DCHS2: variants seen among roughly 807,000 people sequenced by gnomAD.
DCHS2 encodes the protein dachsous cadherin-related 2, also known as protocadherin-23.
In DCHS2, 142 loss-of-function variants were observed where a neutral mutation model predicts 182.4. The observed-to-expected ratio is 0.78, with a 90% CI of 0.68 to 0.89. The LOEUF (loss-of-function observed/expected upper bound fraction) is 0.89, where lower values mean the gene tolerates loss of function less well. DCHS2 is among the 40% of genes least tolerant of loss of function. The probability of loss-of-function intolerance (pLI) is 0.00; values close to 1 mark genes in which losing one functional copy is unlikely to be tolerated. For missense variants in DCHS2, 4,319 were observed against 4,198.6 expected, an observed-to-expected ratio of 1.03 and a Z score of -0.79; for synonymous variants, 1,740 against 1,663.3, an observed-to-expected ratio of 1.05 and a Z score of -1.12.
chr4:154,484,560 A>G (rs1478610444), intron 1 of DCHS2, among the ~76,000 whole-genome samples: 1 of 152,198 alleles, frequency 6.6e-6, no homozygotes, highest in Non-Finnish European at 1.5e-5. Flanking sequence ...ATTAATTCAT[A>G]CTTCCGATTA....
intron 5 of DCHS2, 130 bp from the exon 6 acceptor site, chr4:154,329,840 G>T: frequency 1.3e-6 from 1 of 756,784 alleles, no homozygotes; most frequent in East Asian, 2.7e-5. Context: ...CATCTACATA[G>T]TAGTTTGGCT....
chr4:154,348,113 C>A (rs1268447482), intron 3 of DCHS2, among the ~76,000 whole-genome samples: 2 of 151,914 alleles, frequency 1.3e-5, no homozygotes, highest in African/African-American at 2.4e-5. Flanking sequence ...CTGATAGTCC[C>A]TTTTTGGGAG....
At chr4:154,390,103 A>ATT (rs1560729377) in intron 1 of DCHS2, among the ~76,000 whole-genome samples, 5 of 144,036 alleles carry the variant, frequency 3.5e-5, no homozygotes, top group African/African-American at 1.3e-4. Flanking sequence ...ATTTTTTTAA[A>ATT]TTTTTTTATT....
intron 1 of DCHS2, among the ~76,000 whole-genome samples, chr4:154,425,316 A>G (rs1338413716): frequency 6.6e-6 from 1 of 152,200 alleles, no homozygotes; most frequent in Non-Finnish European, 1.5e-5. Flanking sequence ...CAGTCCCTCA[A>G]GTAGCGTGTG....
At chr4:154,470,068 C>T (rs1324741438) in intron 1 of DCHS2, among the ~76,000 whole-genome samples, 1 of 152,082 alleles carries the variant, frequency 6.6e-6, no homozygotes, top group East Asian at 1.9e-4. Flanking sequence ...GGTGAATAAA[C>T]AGTTGAATGA....
At chr4:154,388,422 A>T (rs1731513642) in intron 1 of DCHS2, among the ~76,000 whole-genome samples, 1 of 151,764 alleles carries the variant, frequency 6.6e-6, no homozygotes, top group Non-Finnish European at 1.5e-5. Flanking sequence ...GGGTTAAGTG[A>T]TTTAATGTGG....
intron 13 of DCHS2, among the ~76,000 whole-genome samples, chr4:154,284,055 T>C (rs185456381): frequency 8.8e-4 from 134 of 152,314 alleles, no homozygotes; most frequent in African/African-American, 2.9e-3. Context: ...ACAAGGTAAA[T>C]GTATCTACCA....
rs1054916278 is a variant in DCHS2, at chr4:154,269,591, T to C, written c.6577+309A>G. The C allele has an allele frequency of 1.3e-4, 28 of 215,932 alleles. No homozygotes were observed. In the Middle Eastern group the frequency reaches 6.5e-3, roughly 50 times the overall value. The allele number at this position is 215,932 out of a possible 1,614,324, so 13.4% of individuals were successfully genotyped here. A position where few individuals can be genotyped will look rare whatever the true frequency, so the allele number is the denominator to read the frequency against. ...TTTTTGAATTCAGACTCAGTGTCAATGATCTCACTACTCTATCTCCAATTT... is the reference window on the plus strand; with the variant it reads ...TTTTTGAATTCAGACTCAGTGTCAACGATCTCACTACTCTATCTCCAATTT... On this transcript the variant is annotated intron_variant, in intron 14 of 19. Coordinates refer to ENST00000357232, the MANE Select transcript of DCHS2 (RefSeq NM_001358235.2).
intron 2 of DCHS2, among the ~76,000 whole-genome samples, chr4:154,376,082 G>A (rs148638552): frequency 6.6e-6 from 1 of 152,210 alleles, no homozygotes; most frequent in Non-Finnish European, 1.5e-5. Context: ...ATGGGGGCAT[G>A]GAGGGGTGGA....
Position 154,489,305 on chromosome 4 carries a change from T to A in DCHS2, c.2051A>T (p.Gln684Leu). The A allele has an allele frequency of 4.6e-6, 7 of 1,511,928 alleles. No homozygotes were observed. The highest frequency in any genetic ancestry group is 5.3e-6 in the Non-Finnish European group (6 of 1,122,626). The allele number at this position is 1,511,928 out of a possible 1,614,324, so 93.7% of individuals were successfully genotyped here. Residue 684 changes from glutamine to leucine, a missense_variant and splice_region_variant, in exon 1 of 20, where the codon CAG (glutamine) becomes CTG (leucine). Physicochemically the swap from Gln to Leu is moderately radical, Grantham distance 113. Transcript: ENST00000357232. ...GGCCCACAGGCCTGATGCACTCACC[T>A]GCAGAAAGCAGTGTCCAACCGGGGC... The part of the protein sequence containing the change: ...EHAPVGHCFL[Q>L]VTASDADSGL...
At chr4:154,336,970 A>T (rs964344380) in intron 3 of DCHS2, among the ~76,000 whole-genome samples, 4 of 152,158 alleles carry the variant, frequency 2.6e-5, no homozygotes, top group African/African-American at 7.2e-5. Flanking sequence ...GAGGATAAAC[A>T]CTCTTTATTA....
chr4:154,389,545 T>C lies in DCHS2; in HGVS notation c.2053-12101A>G, dbSNP rs571812362. ...ATATATATATATATATAACCTTTTT[T>C]TAAAGGACCTAAACTATTTGACTTC... On this transcript the variant is annotated intron_variant, in intron 1 of 19. Transcript: ENST00000357232. Among the ~76,000 whole-genome samples, 639 of 148,100 alleles carry C rather than the reference T, an allele frequency of 4.3e-3. 5 individuals are homozygous for C. Among genetic ancestry groups the C allele is most frequent in the African/African-American group, 0.015 (598 of 40,274 alleles).
At chr4:154,456,486 G>C (rs1340855758) in intron 1 of DCHS2, among the ~76,000 whole-genome samples, 2 of 152,160 alleles carry the variant, frequency 1.3e-5, no homozygotes, top group Non-Finnish European at 2.9e-5. Flanking sequence ...GATATGACAC[G>C]CTGCTGTGAG....
intron 14 of DCHS2, among the ~76,000 whole-genome samples, chr4:154,265,757 C>CAA (rs139790522): frequency 2.7e-4 from 38 of 142,492 alleles, no homozygotes; most frequent in African/African-American, 7.2e-4. Flanking sequence ...TTCTGAACAA[C>CAA]AAAAAAAAAA....
Position 154,297,839 on chromosome 4 carries a change from A to G in DCHS2, c.6463+12T>C, listed in dbSNP as rs376577532. 4.8e-5 allele frequency: 76 copies of G among 1,594,814 alleles called. No homozygotes were observed. The African/African-American group carries it at 9.7e-4, about 20-fold the overall frequency. On this transcript the variant is annotated intron_variant, in intron 13 of 19. Transcript: ENST00000357232. ...CAGGTACAATATATGAAAAACTTGA[A>G]GGGACACTCACCTGCCTCACAATTT...
At chr4:154,483,950 GT>G (rs1320793237) in intron 1 of DCHS2, among the ~76,000 whole-genome samples, 3 of 152,092 alleles carry the variant, frequency 2.0e-5, no homozygotes, top group Non-Finnish European at 4.4e-5. Context: ...ATTCTCTCCT[GT>G]TAGTAGTTCT....
chr4:154,404,606 A>G (rs1042710882), intron 1 of DCHS2, among the ~76,000 whole-genome samples: 1 of 152,216 alleles, frequency 6.6e-6, no homozygotes, highest in Admixed American at 6.5e-5. Context: ...CCAATCAACT[A>G]CTAAAGAAGG....
At position 154,332,358 on chromosome 4, in the gene DCHS2, G is replaced by A. The variant is rs78093689; in HGVS notation, c.3730+120C>T. 8.7e-5 allele frequency: 75 copies of A among 865,264 alleles called. 1 individual carries two copies. The East Asian group carries it at 2.0e-3, about 23-fold the overall frequency. 53.6% of individuals were successfully genotyped at this position (865,264 alleles called of 1,614,324 possible). ...TGTATGCACTAATGCTATACCTAAC[G>A]ACTTGAGTTTTCTCAATCCTGATTT... On this transcript the variant is annotated intron_variant, in intron 5 of 19. Transcript: ENST00000357232.
chr4:154,329,378 T>C (rs1416867457), intron 6 of DCHS2, 145 bp downstream of exon 6: 7 of 781,796 alleles, frequency 9.0e-6, no homozygotes, highest in Non-Finnish European at 2.0e-6. Flanking sequence ...TAAAATAACA[T>C]GTGCACAGTA....
Sources: allele counts gnomAD v4.1 joint callset (sites outside exome capture counted in the v4.1 genomes callset), GRCh38; gene constraint gnomAD v4.1.1; transcripts MANE v1.5; gene names NCBI Gene and HGNC (gene_info 2026-07-23, HGNC 2026-07-21).